The following VWF variants were observed in gnomAD, a reference collection of about 807,000 sequenced individuals.
VWF encodes Factor VIII related antigen.
In VWF, 176 loss-of-function variants were observed where a neutral mutation model predicts 308.6. The ratio of observed to expected loss-of-function variants is 0.57; its 90% CI spans 0.50 to 0.65. The LOEUF is 0.65. VWF is among the 30% of genes least tolerant of loss of function. VWF has a pLI of 0.00. For missense variants in VWF, 3,146 were observed against 3,648.2 expected (o/e 0.86, Z 3.55); for synonymous variants, 1,385 against 1,443.4 (o/e 0.96, Z 0.92).
At chr12:6,044,715 C>T (rs1944430536) in intron 17 of VWF, among the ~76,000 whole-genome samples, 1 of 152,140 alleles carries the variant, frequency 6.6e-6, no homozygotes, top group African/African-American at 2.4e-5. Context: ...TTGTCATCAC[C>T]CTTAACCTTG....
At chr12:5,956,513 A>G (rs2136342948) in intron 47 of VWF, among the ~76,000 whole-genome samples, 1 of 152,190 alleles carries the variant, frequency 6.6e-6, no homozygotes, top group African/African-American at 2.4e-5. Context: ...AAGATAAAAA[A>G]ATGCCTATAG....
rs138141831 is a variant in VWF at position 5,964,972 on chromosome 12, G to C, written c.7887+2514C>G. ...GTGAATGGAGGGAACAGCCTGCTCT[G>C]CAGCATGTCTCCTACCCGGCAGGGC... On this transcript the variant is annotated intron_variant, in intron 47 of 51. Coordinates refer to ENST00000261405, the MANE Select transcript of VWF (RefSeq NM_000552.5). 3.4e-3 allele frequency among the ~76,000 whole-genome samples: 511 copies of C among 152,334 alleles called. 4 individuals carry two copies. Among genetic ancestry groups the C allele is most frequent in the African/African-American group, 0.012 (486 of 41,570 alleles).
intron 32 of VWF, 142 bp from the exon 33 acceptor site, chr12:6,012,272 A>T: frequency 1.1e-6 from 1 of 922,184 alleles, no homozygotes; most frequent in Non-Finnish European, 1.8e-6. Flanking sequence ...TTAACAGTGG[A>T]GACATAGGGA....
chr12:6,004,749 A>G (rs1018571531), intron 34 of VWF, among the ~76,000 whole-genome samples: 3 of 151,606 alleles, frequency 2.0e-5, no homozygotes, highest in African/African-American at 7.3e-5. Context: ...ATATATATTG[A>G]TATCAATACC....
At chr12:6,118,149 C>A (rs1945389818) in intron 3 of VWF, among the ~76,000 whole-genome samples, 1 of 152,060 alleles carries the variant, frequency 6.6e-6, no homozygotes, top group South Asian at 2.1e-4. Context: ...GAGTTGGGCT[C>A]AAATAGGGGA....
chr12:6,105,992 G>A (rs976900641), intron 5 of VWF, among the ~76,000 whole-genome samples: 1 of 152,166 alleles, frequency 6.6e-6, no homozygotes, highest in South Asian at 2.1e-4. Context: ...GCAGTAAGCC[G>A]AGATCAGGCC....
chr12:6,113,423 G>T (rs1454952058), intron 3 of VWF, among the ~76,000 whole-genome samples: 1 of 150,976 alleles, frequency 6.6e-6, no homozygotes, highest in Admixed American at 6.6e-5. Flanking sequence ...TCAGCCTCCC[G>T]AGTAGCTGGG....
intron 6 of VWF, among the ~76,000 whole-genome samples, chr12:6,080,241 C>G (rs920263743): frequency 1.3e-5 from 2 of 152,244 alleles, no homozygotes; most frequent in African/African-American, 2.4e-5. Context: ...ATTCCCAGGG[C>G]ACTCATGGCA....
At chr12:5,973,013 A>G (rs1303086328) in intron 43 of VWF, among the ~76,000 whole-genome samples, 3 of 152,176 alleles carry the variant, frequency 2.0e-5, no homozygotes, top group African/African-American at 7.2e-5. Flanking sequence ...GCCTCTCACC[A>G]TGGGCAAACA....
chr12:6,007,148 C>T (rs1357709965), intron 34 of VWF, among the ~76,000 whole-genome samples: 1 of 152,164 alleles, frequency 6.6e-6, no homozygotes, highest in African/African-American at 2.4e-5. Context: ...TAATATCTCA[C>T]TTTCAATAAT....
At position 6,036,486 on chromosome 12, in the gene VWF, C is replaced by A; in HGVS notation, c.2448G>T (p.Arg816=). The change falls in exon 19 of 52, where the codon CGG becomes CGT. Residue 816 remains arginine, a synonymous_variant. Coordinates refer to ENST00000261405, the MANE Select transcript of VWF (RefSeq NM_000552.5). ...CCAGGGCCACACATCTGTTCTCATGCCGGACCTAAGAGAAAAGAATCCAAA... is the reference window on the plus strand; with the variant it reads ...CCAGGGCCACACATCTGTTCTCATGACGGACCTAAGAGAAAAGAATCCAAA... ...SGCLCPPGMV[R]HENRCVALER... is the part of the protein sequence containing the mutation. The A allele has an allele frequency of 6.2e-7, 1 of 1,614,132 alleles. No individual in the cohort carries two copies. Among genetic ancestry groups the A allele is most frequent in the African/African-American group, 1.3e-5 (1 of 75,044 alleles).
At chr12:5,968,689 G>A (rs1458066619) in intron 45 of VWF, among the ~76,000 whole-genome samples, 1 of 152,144 alleles carries the variant, frequency 6.6e-6, no homozygotes, top group Non-Finnish European at 1.5e-5. Context: ...CCAGCTACTT[G>A]GAGGCTGAGG....
At chr12:5,955,151 C>A (rs898809326) in intron 47 of VWF, among the ~76,000 whole-genome samples, 4 of 152,050 alleles carry the variant, frequency 2.6e-5, no homozygotes, top group Admixed American at 6.6e-5. Context: ...TTGATCTATA[C>A]CAAGAGAATT....
In VWF at chr12:5,976,220, A is replaced by G. The variant is rs764775440; in HGVS notation, c.7328T>C (p.Phe2443Ser). The change falls in exon 43 of 52, where the codon TTC (phenylalanine) becomes TCC (serine). Residue 2443 changes from phenylalanine to serine, a missense_variant. This residue lies in a region of VWF where 989 missense variants were observed against 1,117.4 expected (regional missense o/e 0.89). Coordinates refer to ENST00000261405, the MANE Select transcript of VWF (RefSeq NM_000552.5). ...GCACACATCGCAGCCCTCCTCCCAG[A>G]ACTGGCCCACAGGGTAGATGGTGCT... ...HRSTIYPVGQ[F>S]WEEGCDVCTC... is the part of the protein sequence containing the mutation. 1 of 1,614,128 alleles carries G rather than the reference A, an allele frequency of 6.2e-7. No individual in the cohort carries two copies. The highest frequency in any genetic ancestry group is 1.1e-5 in the South Asian group (1 of 91,074).
chr12:6,037,367 AC>A (rs1359380337), intron 18 of VWF, among the ~76,000 whole-genome samples: 2 of 152,148 alleles, frequency 1.3e-5, no homozygotes, highest in Non-Finnish European at 2.9e-5. Context: ...ATCGATCAGA[AC>A]TAGAGTCTGG....
rs745627685 is a variant in VWF at position 6,110,886 on chromosome 12, G to C, written c.303C>G (p.Thr101=). ...CTTACCTTTGGTCCCCCTGTGTCAC[G>C]GTACCATTGACAAACAAATGGATGT... is the stretch of plus-strand genomic sequence containing the variant. ...FFDIHLFVNG[T]VTQGDQRVSM... The change falls in exon 4 of 52, where the codon ACC becomes ACG. Residue 101 remains threonine (T), a synonymous_variant. Transcript: ENST00000261405. The C allele has an allele frequency of 6.2e-6, 10 of 1,613,860 alleles. No individual in the cohort carries two copies. The highest frequency in any genetic ancestry group is 8.5e-6 in the Non-Finnish European group (10 of 1,179,978).
At chr12:5,982,051 GC>G (rs1341556938) in intron 41 of VWF, 60 bp from the exon 42 acceptor site, 1 of 1,544,510 alleles carries the variant, frequency 6.5e-7, no homozygotes, top group Non-Finnish European at 8.9e-7. Context: ...TAAGTATTCA[GC>G]TATGCTATAG....
chr12:6,016,698 G>A, intron 29 of VWF, 42 bp from the exon 30 acceptor site: 1 of 1,614,238 alleles, frequency 6.2e-7, no homozygotes, highest in South Asian at 1.1e-5. Flanking sequence ...GAATCAAGTA[G>A]AGCCACAAAA....
Position 6,012,146 on chromosome 12 carries a change from A to G in VWF, c.5621-16T>C. ...CTAACAAATCCTGCAACAGACACAA[A>G]TAAGACCTTAGTTCCCATCTTTCAC... On this transcript the variant is annotated splice_polypyrimidine_tract_variant and intron_variant, in intron 32 of 51. Coordinates refer to ENST00000261405, the MANE Select transcript of VWF (RefSeq NM_000552.5). 5.6e-6 allele frequency: 9 copies of G among 1,613,896 alleles called. No individual in the cohort carries two copies. The highest frequency in any genetic ancestry group is 7.6e-6 in the Non-Finnish European group (9 of 1,179,808).
Sources: gnomAD v4.1 joint callset for allele counts (sites outside exome capture counted in the v4.1 genomes callset) on GRCh38, gnomAD v4.1.1 for gene constraint, gnomAD v4.1.1 regional missense constraint, MANE v1.5 for transcripts, NCBI Gene and HGNC (gene_info 2026-07-23, HGNC 2026-07-21) for gene names.